BCL2: variants seen among roughly 807,000 people sequenced by gnomAD.
BCL2 encodes the protein BCL2 apoptosis regulator, also known as apoptosis regulator Bcl-2.
In BCL2, 1 loss-of-function variant was observed where a neutral mutation model predicts 14.2. The ratio of observed to expected loss-of-function variants is 0.07; its 90% CI spans 0.02 to 0.33. The LOEUF is 0.33. Among genes scored for constraint, BCL2 ranks in the 10% least tolerant of loss-of-function variants. The pLI is 0.99. For synonymous variants in BCL2, 151 were observed against 137.2 expected, an observed-to-expected ratio of 1.10 and a Z score of -0.70; for missense variants, 247 against 305.9, an observed-to-expected ratio of 0.81 and a Z score of 1.44.
In BCL2 at chr18:63,262,936, T is replaced by C. The variant is rs142031899; in HGVS notation, c.585+55146A>G. 4.2e-3 allele frequency among the ~76,000 whole-genome samples: 635 copies of C among 152,230 alleles called. 5 individuals are homozygous for C. The highest frequency in any genetic ancestry group is 0.015 in the African/African-American group (614 of 41,520). Reference sequence around the variant, plus strand: ...TGCCAGGGAACAAAGTGATCCAATATCCACAAAGCCAGAATTCTCCTACTG... The same window carrying C: ...TGCCAGGGAACAAAGTGATCCAATACCCACAAAGCCAGAATTCTCCTACTG... On this transcript the variant is annotated intron_variant, in intron 2 of 2. Coordinates refer to ENST00000333681, the MANE Select transcript of BCL2 (RefSeq NM_000633.3).
chr18:63,314,550 A>T (rs1021772231), intron 2 of BCL2: 2 of 152,200 alleles, frequency 1.3e-5, no homozygotes, highest in South Asian at 4.1e-4. Context: ...TGTCTGAATC[A>T]TCTCATTCTT....
intron 2 of BCL2, among the ~76,000 whole-genome samples, chr18:63,134,445 C>T (rs1487280793): frequency 6.6e-6 from 1 of 152,188 alleles, no homozygotes; most frequent in African/African-American, 2.4e-5. Context: ...TCCTTAGACC[C>T]TGGCCCAGAA....
At chr18:63,190,682 TTTTAC>T (rs1398511326) in intron 2 of BCL2, among the ~76,000 whole-genome samples, 3 of 152,174 alleles carry the variant, frequency 2.0e-5, no homozygotes, top group Admixed American at 1.3e-4. Context: ...GAAAGTCTTA[TTTTAC>T]TTTATTTATT....
At chr18:63,212,358 A>G (rs11152373) in intron 2 of BCL2, among the ~76,000 whole-genome samples, 34,892 of 151,318 alleles carry the variant, frequency 0.23, 4,847 homozygotes, top group Middle Eastern at 0.37. Context: ...ACAACAAAAA[A>G]AACACAAAAA....
At position 63,291,250 on chromosome 18, in the gene BCL2, G is replaced by A. The variant is rs368190142; in HGVS notation, c.585+26832C>T. On this transcript the variant is annotated intron_variant, in intron 2 of 2. Transcript: ENST00000333681. Reference sequence around the variant, plus strand: ...TCTTCCAATATCAAATGCTTGAGGCGCATATGATTGGCTTCCATTTCTCTG... The same window carrying A: ...TCTTCCAATATCAAATGCTTGAGGCACATATGATTGGCTTCCATTTCTCTG... Among the ~76,000 whole-genome samples, 33 of 152,290 alleles carry A rather than the reference G, an allele frequency of 2.2e-4. No individual in the cohort carries two copies. In the East Asian group the frequency reaches 3.5e-3, roughly 16 times the overall value.
chr18:63,126,608 G>C lies in BCL2; in HGVS notation c.*2017C>G, dbSNP rs1161940054. 1 of 228,906 alleles carries C rather than the reference G, an allele frequency of 4.4e-6. No homozygotes were observed. Among genetic ancestry groups the C allele is most frequent in the Non-Finnish European group, 8.7e-6 (1 of 115,352 alleles). The allele number at this position is 228,906 out of a possible 1,614,324, so 14.2% of individuals were successfully genotyped here. ...GTTGACGTGGAAATGCACATGACTT[G>C]GTTGAAACAAAGCTCCTCAGTGGCC... is the stretch of plus-strand genomic sequence containing the variant. On this transcript the variant is annotated 3_prime_UTR_variant, in exon 3 of 3. Transcript: ENST00000333681.
intron 2 of BCL2, among the ~76,000 whole-genome samples, chr18:63,305,388 C>T (rs959197659): frequency 3.3e-5 from 5 of 152,176 alleles, no homozygotes; most frequent in African/African-American, 1.2e-4. Flanking sequence ...ATCAGCTCTT[C>T]CTGTGCTTAT....
rs372014033 is a variant in BCL2 at position 63,234,440 on chromosome 18, G to A, written c.585+83642C>T. 1.4e-4 allele frequency among the ~76,000 whole-genome samples: 21 copies of A among 152,194 alleles called. 1 individual carries two copies. The East Asian group carries it at 1.9e-3, about 14-fold the overall frequency. ...TGATCTCATTCCTTTTTATGGCTGC[G>A]TAGTATTCCATGGTGTATATGTATC... On this transcript the variant is annotated intron_variant, in intron 2 of 2. Coordinates refer to ENST00000333681, the MANE Select transcript of BCL2 (RefSeq NM_000633.3).
chr18:63,223,261 G>A (rs957644365), intron 2 of BCL2, among the ~76,000 whole-genome samples: 7 of 152,156 alleles, frequency 4.6e-5, no homozygotes, highest in Non-Finnish European at 7.4e-5. Flanking sequence ...TTAGCCGGGC[G>A]TGGTGGCGGG....
intron 2 of BCL2, among the ~76,000 whole-genome samples, chr18:63,238,564 C>G (rs1910903148): frequency 6.6e-6 from 1 of 152,084 alleles, no homozygotes; most frequent in South Asian, 2.1e-4. Context: ...ATGTTCTGTC[C>G]CCGTTTTAGA....
chr18:63,206,830 G>A (rs1407446800), intron 2 of BCL2, among the ~76,000 whole-genome samples: 1 of 152,100 alleles, frequency 6.6e-6, no homozygotes, highest in South Asian at 2.1e-4. Context: ...AGAGTAGGTG[G>A]AGGCAGTGGG....
At chr18:63,265,955 T>G (rs1295086757) in intron 2 of BCL2, among the ~76,000 whole-genome samples, 3 of 152,120 alleles carry the variant, frequency 2.0e-5, no homozygotes, top group African/African-American at 7.2e-5. Context: ...GGCAATCTCA[T>G]AAACTACTAA....
intron 2 of BCL2, among the ~76,000 whole-genome samples, chr18:63,230,826 T>C (rs1476594850): frequency 2.0e-5 from 3 of 151,990 alleles, no homozygotes; most frequent in Non-Finnish European, 4.4e-5. Context: ...TAAACCTACA[T>C]TGTAGAAAAA....
intron 2 of BCL2, chr18:63,316,692 C>T (rs1913507161): frequency 6.6e-6 from 1 of 152,198 alleles, no homozygotes; most frequent in Non-Finnish European, 1.5e-5. Context: ...TCACATCAAT[C>T]ATCTACTTTT....
intron 2 of BCL2, among the ~76,000 whole-genome samples, chr18:63,214,769 G>A (rs1471779638): frequency 6.6e-6 from 1 of 151,992 alleles, no homozygotes; most frequent in Non-Finnish European, 1.5e-5. Flanking sequence ...GGAGTGGAGT[G>A]GCACGATCTT....
intron 2 of BCL2, among the ~76,000 whole-genome samples, chr18:63,219,966 C>T (rs1910340894): frequency 6.6e-6 from 1 of 152,060 alleles, no homozygotes; most frequent in East Asian, 1.9e-4. Flanking sequence ...GAAATCGGGG[C>T]CTTTATTTCC....
chr18:63,239,223 G>A (rs1224955797), intron 2 of BCL2, among the ~76,000 whole-genome samples: 2 of 152,136 alleles, frequency 1.3e-5, no homozygotes, highest in East Asian at 3.8e-4. Flanking sequence ...ATTGTTATGA[G>A]TATAAAGAAA....
At chr18:63,133,623 A>AT (rs199809840) in intron 2 of BCL2, among the ~76,000 whole-genome samples, 4 of 152,098 alleles carry the variant, frequency 2.6e-5, no homozygotes, top group Non-Finnish European at 4.4e-5. Flanking sequence ...TAAAATGAGA[A>AT]TTTTTTTTAA....
At chr18:63,299,990 A>G (rs1912914581) in intron 2 of BCL2, among the ~76,000 whole-genome samples, 1 of 152,110 alleles carries the variant, frequency 6.6e-6, no homozygotes, top group African/African-American at 2.4e-5. Context: ...CATGTCCAGA[A>G]ACCCAGTAGG....
Sources: gnomAD v4.1 joint callset for allele counts (sites outside exome capture counted in the v4.1 genomes callset) on GRCh38, gnomAD v4.1.1 for gene constraint, MANE v1.5 for transcripts, NCBI Gene and HGNC (gene_info 2026-07-23, HGNC 2026-07-21) for gene names.